Variants in NEMP2 observed in about 807,000 individuals in gnomAD.
NEMP2 encodes nuclear envelope integral membrane protein 2.
A neutral mutation model predicts 54.2 loss-of-function variants in NEMP2; 53 were observed. The observed-to-expected ratio is 0.98, with a 90% CI of 0.78 to 1.23. The LOEUF (loss-of-function observed/expected upper bound fraction) is 1.23. Among genes scored for constraint, NEMP2 ranks in the 50% most tolerant of loss-of-function variants. The pLI, the probability that NEMP2 is intolerant of heterozygous loss-of-function variation, is 0.00. For synonymous variants in NEMP2, 197 were observed against 190.3 expected, an observed-to-expected ratio of 1.04 and a Z score of -0.29; for missense variants, 455 against 511.3, an observed-to-expected ratio of 0.89 and a Z score of 1.06.
the NEMP2 span, among the ~76,000 whole-genome samples, chr2:190,633,460 C>T: frequency 6.6e-6 from 1 of 151,830 alleles, no homozygotes; most frequent in African/African-American, 2.4e-5. Context: ...ATTACAGGCA[C>T]CCACCACCAT....
chr2:190,631,723 T>G, the NEMP2 span, among the ~76,000 whole-genome samples: 1 of 152,212 alleles, frequency 6.6e-6, no homozygotes, highest in African/African-American at 2.4e-5. Flanking sequence ...ACTTACCCTA[T>G]CAGGAGACAG....
the NEMP2 span, among the ~76,000 whole-genome samples, chr2:190,423,899 C>T: frequency 6.6e-6 from 1 of 152,154 alleles, no homozygotes; most frequent in South Asian, 2.1e-4. The surrounding 1 kb of genome is among the most constrained non-coding windows in gnomAD (Gnocchi z 4.3). Flanking sequence ...TGATGTTGAA[C>T]ATCTTTTCAT....
At chr2:190,586,470 G>C in the NEMP2 span, among the ~76,000 whole-genome samples, 1 of 152,140 alleles carries the variant, frequency 6.6e-6, no homozygotes, top group Non-Finnish European at 1.5e-5. The surrounding 1 kb of genome is among the most constrained non-coding windows in gnomAD (Gnocchi z 4.5). Context: ...GTTGAGTATA[G>C]CACTTAGTCA....
the NEMP2 span, among the ~76,000 whole-genome samples, chr2:190,428,738 A>G: frequency 7.2e-5 from 11 of 152,030 alleles, no homozygotes; most frequent in African/African-American, 2.2e-4. Flanking sequence ...CAGTGGTGCT[A>G]TCTCAGCTCA....
chr2:190,598,781 T>A, the NEMP2 span, among the ~76,000 whole-genome samples: 1 of 152,364 alleles, frequency 6.6e-6, no homozygotes, highest in South Asian at 2.1e-4. Context: ...ACCAGTGAAA[T>A]TGTACTTTGC....
At chr2:190,540,405 T>C in the NEMP2 span, among the ~76,000 whole-genome samples, 11 of 152,072 alleles carry the variant, frequency 7.2e-5, no homozygotes, top group Admixed American at 2.0e-4. Context: ...CGCCTCAGCC[T>C]CCTGAGTAGC....
the NEMP2 span, chr2:190,641,458 T>C: frequency 6.6e-6 from 1 of 152,274 alleles, no homozygotes; most frequent in Non-Finnish European, 1.5e-5. Context: ...GGCTGCAGTG[T>C]AGACCTAGAG....
chr2:190,478,058 C>T, the NEMP2 span, among the ~76,000 whole-genome samples: 1,088 of 152,290 alleles, frequency 7.1e-3, 10 homozygotes, highest in Non-Finnish European at 0.011. Flanking sequence ...AAGCTGCCAA[C>T]CCAGGACATG....
the NEMP2 span, among the ~76,000 whole-genome samples, chr2:190,576,143 A>AT: frequency 5.3e-5 from 8 of 151,518 alleles, no homozygotes; most frequent in Non-Finnish European, 1.0e-4. Flanking sequence ...TTATTTTAAA[A>AT]TTTTTTTTCT....
At chr2:190,571,415 C>T in the NEMP2 span, among the ~76,000 whole-genome samples, 1 of 151,894 alleles carries the variant, frequency 6.6e-6, no homozygotes, top group African/African-American at 2.4e-5. Flanking sequence ...TGGTGGTGGG[C>T]GCCTGTCATC....
At chr2:190,593,894 T>C in the NEMP2 span, among the ~76,000 whole-genome samples, 1 of 152,236 alleles carries the variant, frequency 6.6e-6, no homozygotes, top group Non-Finnish European at 1.5e-5. The surrounding 1 kb of genome is among the most constrained non-coding windows in gnomAD (Gnocchi z 4.5). Flanking sequence ...ATCCTGCCTA[T>C]ACTCTTGTTT....
Position 190,507,244 on chromosome 2 carries a change from TG to T in NEMP2, c.*1944del, listed in dbSNP as rs928487127. ...AAACAATATCCTCAAGGACTGCTGTTGTTCTTCTCTCTTTGGCTGTTTTTAC... is the reference window on the plus strand; with the variant it reads ...AAACAATATCCTCAAGGACTGCTGTTTTCTTCTCTCTTTGGCTGTTTTTAC... On this transcript the variant is annotated 3_prime_UTR_variant, in exon 9 of 9. Transcript: ENST00000409150. This position sits in a 1 kb window ranked among gnomAD's most constrained non-coding sequence, Gnocchi z 4.4. 1 of 152,216 alleles carries T rather than the reference TG, an allele frequency of 6.6e-6. No homozygotes were observed. Among genetic ancestry groups the T allele is most frequent in the African/African-American group, 2.4e-5 (1 of 41,464 alleles). The allele number at this position is 152,216 out of a possible 1,614,324, so 9.4% of individuals were successfully genotyped here.
chr2:190,534,905 CCGGCCT>C (rs545546758), upstream of NEMP2: 207 of 350,008 alleles, frequency 5.9e-4, no homozygotes, highest in African/African-American at 3.3e-3. Flanking sequence ...TGGCATGCTC[CCGGCCT>C]CGGCCTCGGC....
the NEMP2 span, among the ~76,000 whole-genome samples, chr2:190,433,781 A>C: frequency 6.6e-6 from 1 of 152,368 alleles, no homozygotes; most frequent in African/African-American, 2.4e-5. The surrounding 1 kb of genome is among the most constrained non-coding windows in gnomAD (Gnocchi z 4.5). Context: ...AGATTAAAAA[A>C]TGCTTACAAG....
chr2:190,600,394 T>C, the NEMP2 span, among the ~76,000 whole-genome samples: 1 of 152,218 alleles, frequency 6.6e-6, no homozygotes, highest in East Asian at 1.9e-4. This position sits in a 1 kb window ranked among gnomAD's most constrained non-coding sequence, Gnocchi z 4.9. Context: ...GTCTGGCGTG[T>C]GCTATTGTTT....
the NEMP2 span, chr2:190,437,638 A>G: frequency 1.4e-6 from 2 of 1,472,556 alleles, no homozygotes; most frequent in Non-Finnish European, 1.8e-6. This position sits in a 1 kb window ranked among gnomAD's most constrained non-coding sequence, Gnocchi z 5.9. Context: ...CTTCTACTAC[A>G]ATTTTAAGGT....
the NEMP2 span, among the ~76,000 whole-genome samples, chr2:190,576,299 G>A: frequency 4.6e-5 from 7 of 152,078 alleles, no homozygotes; most frequent in African/African-American, 9.7e-5. Context: ...GTTTATTGCC[G>A]TGGAAAATCA....
At position 190,514,547 on chromosome 2, in the gene NEMP2, C is replaced by T. The variant is rs1690484576; in HGVS notation, c.859G>A (p.Val287Met). 3.2e-6 allele frequency: 5 copies of T among 1,551,738 alleles called. No homozygotes were observed. The highest frequency in any genetic ancestry group is 4.4e-6 in the Non-Finnish European group (5 of 1,147,008). Reference sequence around the variant, plus strand: ...GCATAGGCAAACTGAGGCACGGCCACACCAGCATAGACCAGAACCAGGGAG... The same window carrying T: ...GCATAGGCAAACTGAGGCACGGCCATACCAGCATAGACCAGAACCAGGGAG... ...LLSLVLVYAG[V>M]AVPQFAYAAI... Residue 287 changes from valine to methionine, a missense_variant, in exon 7 of 9, where the codon GTG becomes ATG. By Grantham distance (21) the Val-to-Met change is conservative. This residue lies in a region of NEMP2 where 294 missense variants were observed against 333.6 expected (regional missense o/e 0.88). Transcript: ENST00000409150. The surrounding 1 kb of genome is among the most constrained non-coding windows in gnomAD (Gnocchi z 5.7).
chr2:190,514,485 G>A lies in NEMP2; in HGVS notation c.921C>T (p.His307=), dbSNP rs948516036. ...IILLMSSWSL[H]YPLRACSYMR... is the part of the protein sequence containing the mutation. Reference sequence around the variant, plus strand: ...TATAACTGCATGCTCTCAGTGGGTAGTGCAGACTCCAGGAGGACATGAGGA... The same window carrying A: ...TATAACTGCATGCTCTCAGTGGGTAATGCAGACTCCAGGAGGACATGAGGA... Residue 307 remains histidine (H), a synonymous_variant, in exon 7 of 9, where the codon CAC becomes CAT. Coordinates refer to ENST00000409150, the MANE Select transcript of NEMP2 (RefSeq NM_001142645.2). This position sits in a 1 kb window ranked among gnomAD's most constrained non-coding sequence, Gnocchi z 5.7. 1.9e-6 allele frequency: 3 copies of A among 1,551,424 alleles called. No individual in the cohort carries two copies. The highest frequency in any genetic ancestry group is 2.7e-5 in the African/African-American group (2 of 73,054).
Sources: allele counts gnomAD v4.1 joint callset (sites outside exome capture counted in the v4.1 genomes callset), GRCh38; gene constraint gnomAD v4.1.1; regional missense constraint gnomAD v4.1.1; non-coding constraint Gnocchi (gnomAD v3.1); transcripts MANE v1.5; gene names NCBI Gene and HGNC (gene_info 2026-07-23, HGNC 2026-07-21).